Variants in HMGCLL1 observed in about 807,000 individuals in gnomAD.
The protein encoded by HMGCLL1 is 3-hydroxymethyl-3-methylglutaryl-CoA lyase, cytoplasmic.
In HMGCLL1, 36 loss-of-function variants were observed where a neutral mutation model predicts 39.1. The ratio of observed to expected loss-of-function variants is 0.92; its 90% CI spans 0.71 to 1.22. HMGCLL1 has a LOEUF of 1.22. Ranked by LOEUF, HMGCLL1 falls within the 50% of genes most tolerant of loss-of-function variation. HMGCLL1 has a pLI of 0.00. For missense variants in HMGCLL1, 451 were observed against 416.5 expected, an observed-to-expected ratio of 1.08 and a Z score of -0.72; for synonymous variants, 149 against 144.0, an observed-to-expected ratio of 1.03 and a Z score of -0.25.
chr6:55,613,916 T>C, the HMGCLL1 span, among the ~76,000 whole-genome samples: 3 of 152,158 alleles, frequency 2.0e-5, no homozygotes, highest in Admixed American at 6.6e-5. Context: ...TCTACACATG[T>C]ATCCCAGAAC....
intron 7 of HMGCLL1, among the ~76,000 whole-genome samples, chr6:55,440,939 G>A (rs1366994912): frequency 6.6e-6 from 1 of 152,092 alleles, no homozygotes; most frequent in African/African-American, 2.4e-5. Flanking sequence ...AGATAAAACA[G>A]AATTCCTATA....
intron 7 of HMGCLL1, among the ~76,000 whole-genome samples, chr6:55,471,656 A>C (rs1167615738): frequency 6.6e-6 from 1 of 151,586 alleles, no homozygotes. Context: ...TACTGATGTA[A>C]TTCTTAACAA....
chr6:55,644,682 AC>A, the HMGCLL1 span, among the ~76,000 whole-genome samples: 1 of 151,906 alleles, frequency 6.6e-6, no homozygotes, highest in African/African-American at 2.4e-5. Flanking sequence ...TGTTCTTGGC[AC>A]CTTTTTCAAG....
intron 1 of HMGCLL1, among the ~76,000 whole-genome samples, chr6:55,561,771 C>T (rs1290185124): frequency 6.6e-6 from 1 of 152,058 alleles, no homozygotes; most frequent in African/African-American, 2.4e-5. Context: ...ATTCTAATTC[C>T]ATAGTTTGAA....
At chr6:55,557,778 C>T (rs1387452056) in intron 1 of HMGCLL1, among the ~76,000 whole-genome samples, 4 of 151,888 alleles carry the variant, frequency 2.6e-5, no homozygotes, top group Admixed American at 6.6e-5. Context: ...AAATGTTTTC[C>T]GTATACAAGG....
chr6:55,578,067 A>C (rs1168518587), intron 1 of HMGCLL1, among the ~76,000 whole-genome samples: 1 of 152,236 alleles, frequency 6.6e-6, no homozygotes, highest in Non-Finnish European at 1.5e-5. Context: ...TGGTACAATT[A>C]TGCTTAATGA....
At position 55,446,909 on chromosome 6, in the gene HMGCLL1, T is replaced by A. The variant is rs202212415; in HGVS notation, c.796-7350A>T. ...TTTTTGAAGTCATCTACATTTTTTA[T>A]CCCCTAAGATCAGTATTTTATTTAA... On this transcript the variant is annotated intron_variant, in intron 7 of 8. Coordinates refer to ENST00000274901, the MANE Select transcript of HMGCLL1 (RefSeq NM_001042406.2). 3.3e-5 allele frequency among the ~76,000 whole-genome samples: 5 copies of A among 152,084 alleles called. No homozygotes were observed. The East Asian group carries it at 9.6e-4, about 29-fold the overall frequency.
intron 3 of HMGCLL1, among the ~76,000 whole-genome samples, chr6:55,531,268 T>C (rs971704733): frequency 6.6e-6 from 1 of 152,168 alleles, no homozygotes; most frequent in African/African-American, 2.4e-5. Flanking sequence ...TGCACTAAAA[T>C]AATATCAACA....
At chr6:55,587,582 T>G in the HMGCLL1 span, among the ~76,000 whole-genome samples, 1 of 152,078 alleles carries the variant, frequency 6.6e-6, no homozygotes, top group Non-Finnish European at 1.5e-5. Flanking sequence ...ATGGACTAAA[T>G]GCTCCAATTA....
At chr6:55,543,524 T>A (rs1404037843) in intron 1 of HMGCLL1, among the ~76,000 whole-genome samples, 1 of 119,112 alleles carries the variant, frequency 8.4e-6, no homozygotes, top group East Asian at 2.3e-4. Context: ...ATATATATAT[T>A]TTTATGTGTA....
chr6:55,518,290 T>TA (rs1294006701), intron 3 of HMGCLL1, among the ~76,000 whole-genome samples: 1 of 152,136 alleles, frequency 6.6e-6, no homozygotes, highest in Non-Finnish European at 1.5e-5. Context: ...TCACAGATTA[T>TA]AAGAGTTCAG....
the HMGCLL1 span, among the ~76,000 whole-genome samples, chr6:55,602,820 A>T: frequency 1.3e-5 from 2 of 152,112 alleles, no homozygotes; most frequent in Non-Finnish European, 2.9e-5. Flanking sequence ...AAATCTATAC[A>T]TATAAAAGTT....
intron 7 of HMGCLL1, among the ~76,000 whole-genome samples, chr6:55,487,208 T>G (rs1335968482): frequency 2.0e-5 from 3 of 152,152 alleles, no homozygotes; most frequent in Non-Finnish European, 4.4e-5. Context: ...GTACTTTTTT[T>G]TTTACAATTT....
chr6:55,496,838 A>G (rs1201797502), intron 6 of HMGCLL1, among the ~76,000 whole-genome samples: 2 of 152,122 alleles, frequency 1.3e-5, no homozygotes, highest in African/African-American at 4.8e-5. Flanking sequence ...CATTATCTAA[A>G]AGGCTCCCAC....
At chr6:55,677,129 G>C in the HMGCLL1 span, among the ~76,000 whole-genome samples, 1 of 152,190 alleles carries the variant, frequency 6.6e-6, no homozygotes, top group African/African-American at 2.4e-5. Flanking sequence ...GGGCACAGTG[G>C]CTCACGCTTG....
chr6:55,465,329 A>T (rs1234087700), intron 7 of HMGCLL1, among the ~76,000 whole-genome samples: 1 of 152,024 alleles, frequency 6.6e-6, no homozygotes, highest in East Asian at 1.9e-4. Flanking sequence ...TACTTCACAC[A>T]CCCAAAATCA....
chr6:55,675,860 T>C, the HMGCLL1 span, among the ~76,000 whole-genome samples: 1 of 152,202 alleles, frequency 6.6e-6, no homozygotes, highest in Non-Finnish European at 1.5e-5. Context: ...TGTGTTTGTG[T>C]GTGTGTGCTA....
chr6:55,598,652 C>T, the HMGCLL1 span, among the ~76,000 whole-genome samples: 1 of 152,124 alleles, frequency 6.6e-6, no homozygotes, highest in African/African-American at 2.4e-5. Context: ...TTGAGGCAAA[C>T]AGGAAGTTAA....
At chr6:55,642,180 T>C in the HMGCLL1 span, among the ~76,000 whole-genome samples, 1 of 144,604 alleles carries the variant, frequency 6.9e-6, no homozygotes, top group Non-Finnish European at 1.5e-5. Context: ...GTTCTTGCGA[T>C]AGTTTACTGA....
Sources: allele counts gnomAD v4.1 joint callset (sites outside exome capture counted in the v4.1 genomes callset), GRCh38; gene constraint gnomAD v4.1.1; transcripts MANE v1.5; gene names NCBI Gene and HGNC (gene_info 2026-07-23, HGNC 2026-07-21).